The following DGKB variants were observed in gnomAD, a reference collection of about 807,000 sequenced individuals.
The protein encoded by DGKB is diacylglycerol kinase beta.
A neutral mutation model predicts 114.3 loss-of-function variants in DGKB; 67 were observed. The ratio of observed to expected loss-of-function variants is 0.59; its 90% CI spans 0.48 to 0.72. The LOEUF is 0.72. Ranked by LOEUF, DGKB falls within the 30% of genes least tolerant of loss-of-function variation. The pLI is 0.00. For missense variants in DGKB, 907 were observed against 975.2 expected (o/e 0.93, Z 0.93); for synonymous variants, 398 against 323.1 (o/e 1.23, Z -2.49).
chr7:14,729,182 G>A (rs1830494831), intron 5 of DGKB, among the ~76,000 whole-genome samples: 1 of 145,448 alleles, frequency 6.9e-6, no homozygotes, highest in Admixed American at 6.8e-5. Context: ...GAGTGCAGTG[G>A]CGCCATCTCG....
chr7:14,231,861 T>G (rs1791912702), intron 23 of DGKB, among the ~76,000 whole-genome samples: 1 of 152,056 alleles, frequency 6.6e-6, no homozygotes, highest in Non-Finnish European at 1.5e-5. Context: ...AAATACCTTG[T>G]GATTGAAGTA....
intron 23 of DGKB, among the ~76,000 whole-genome samples, chr7:14,297,576 T>C (rs1802800961): frequency 6.6e-6 from 1 of 152,186 alleles, no homozygotes; most frequent in South Asian, 2.1e-4. Flanking sequence ...GAGCTGTTTA[T>C]GATAAACCCA....
chr7:14,432,057 T>C (rs17777652), intron 21 of DGKB, among the ~76,000 whole-genome samples: 3,171 of 152,278 alleles, frequency 0.021, 54 homozygotes, highest in Non-Finnish European at 0.035. Flanking sequence ...TGTTGTCTCG[T>C]CTCCTAATAT....
At chr7:14,282,903 A>G (rs1180690598) in intron 23 of DGKB, among the ~76,000 whole-genome samples, 1 of 152,118 alleles carries the variant, frequency 6.6e-6, no homozygotes, top group Non-Finnish European at 1.5e-5. Context: ...CACAGCCAAT[A>G]TCATACTGAA....
intron 25 of DGKB, among the ~76,000 whole-genome samples, chr7:14,168,641 A>G (rs1333654345): frequency 6.6e-6 from 1 of 152,270 alleles, no homozygotes. Context: ...TGCACTATGT[A>G]AGAAGACATT....
intron 2 of DGKB, among the ~76,000 whole-genome samples, chr7:14,768,128 A>G (rs952288163): frequency 6.6e-6 from 1 of 151,974 alleles, no homozygotes; most frequent in African/African-American, 2.4e-5. Context: ...ACATATTTTA[A>G]AGAACATAAA....
At chr7:14,763,231 A>G (rs865857138) in intron 2 of DGKB, among the ~76,000 whole-genome samples, 4 of 152,028 alleles carry the variant, frequency 2.6e-5, no homozygotes, top group Non-Finnish European at 2.9e-5. Flanking sequence ...TTATCTGTCA[A>G]CTTATCCACA....
intron 6 of DGKB, among the ~76,000 whole-genome samples, chr7:14,711,919 T>C (rs949335670): frequency 6.6e-6 from 1 of 152,170 alleles, no homozygotes; most frequent in African/African-American, 2.4e-5. Context: ...TCCTTTTCCT[T>C]ATCCCCAGTA....
At chr7:14,820,171 C>G (rs1453012302) in intron 2 of DGKB, among the ~76,000 whole-genome samples, 2 of 152,066 alleles carry the variant, frequency 1.3e-5, no homozygotes, top group Non-Finnish European at 2.9e-5. Flanking sequence ...TTAAGCCATA[C>G]TTGGTCACCT....
intron 20 of DGKB, among the ~76,000 whole-genome samples, chr7:14,547,691 A>T (rs1794504426): frequency 6.6e-6 from 1 of 152,078 alleles, no homozygotes. Flanking sequence ...TTTTAATGTT[A>T]AAAAAATTCC....
At chr7:14,738,275 T>C (rs1003122141) in intron 4 of DGKB, among the ~76,000 whole-genome samples, 1 of 152,240 alleles carries the variant, frequency 6.6e-6, no homozygotes, top group Non-Finnish European at 1.5e-5. Context: ...GTCTGTGGGA[T>C]GAAAATATTC....
At chr7:14,725,786 G>C (rs35731392) in intron 5 of DGKB, among the ~76,000 whole-genome samples, 62,527 of 151,854 alleles carry the variant, frequency 0.41, 14,727 homozygotes, top group East Asian at 0.88. Flanking sequence ...GACCTCAAGT[G>C]ATCTCTGTAC....
intron 10 of DGKB, among the ~76,000 whole-genome samples, chr7:14,684,121 G>A (rs1174655804): frequency 1.3e-5 from 2 of 152,084 alleles, no homozygotes; most frequent in Admixed American, 6.6e-5. Context: ...GTTACACATG[G>A]CAAATTTCAG....
intron 21 of DGKB, among the ~76,000 whole-genome samples, chr7:14,426,126 A>C (rs1476767769): frequency 6.6e-6 from 1 of 152,198 alleles, no homozygotes; most frequent in Admixed American, 6.5e-5. Context: ...TCTAAGAGAA[A>C]CATAACACAA....
At chr7:14,261,400 A>C (rs797013073) in intron 23 of DGKB, among the ~76,000 whole-genome samples, 1 of 152,162 alleles carries the variant, frequency 6.6e-6, no homozygotes, top group East Asian at 1.9e-4. Flanking sequence ...GTTGGCATAG[A>C]TCATTCCAAG....
intron 23 of DGKB, among the ~76,000 whole-genome samples, chr7:14,316,785 G>A (rs1387874533): frequency 2.0e-5 from 3 of 151,510 alleles, no homozygotes; most frequent in Non-Finnish European, 4.4e-5. Context: ...CTCATTTGAT[G>A]AGGCCAGCAT....
chr7:14,900,635 G>A (rs914579918), intron 1 of DGKB, among the ~76,000 whole-genome samples: 2 of 152,044 alleles, frequency 1.3e-5, no homozygotes, highest in African/African-American at 4.8e-5. Context: ...CACTATCCCA[G>A]CAAAACTTAC....
intron 13 of DGKB, among the ~76,000 whole-genome samples, chr7:14,655,997 G>T (rs1250400510): frequency 6.6e-6 from 1 of 151,600 alleles, no homozygotes; most frequent in Non-Finnish European, 1.5e-5. Flanking sequence ...ATAATTTATT[G>T]TGTATGTTCA....
intron 1 of DGKB, among the ~76,000 whole-genome samples, chr7:14,955,345 C>A (rs552121051): frequency 6.6e-6 from 1 of 152,074 alleles, no homozygotes; most frequent in East Asian, 1.9e-4. Context: ...GAATCTCATT[C>A]TCTTTCAATT....
Sources: gnomAD v4.1 joint callset for allele counts (sites outside exome capture counted in the v4.1 genomes callset) on GRCh38, gnomAD v4.1.1 for gene constraint, MANE v1.5 for transcripts, NCBI Gene and HGNC (gene_info 2026-07-23, HGNC 2026-07-21) for gene names.